The following JMY variants were observed in gnomAD, a reference collection of about 807,000 sequenced individuals.
JMY encodes the protein junction mediating and regulatory protein, p53 cofactor.
In JMY, 46 loss-of-function variants were observed where a neutral mutation model predicts 103.3. That is an observed-to-expected ratio of 0.45 (90% CI 0.35 to 0.57). JMY has a LOEUF of 0.57. JMY is among the 20% of genes least tolerant of loss of function. The probability of loss-of-function intolerance (pLI) is 0.00; values close to 1 mark genes in which losing one functional copy is unlikely to be tolerated. For missense variants in JMY, 1,238 were observed against 1,255.2 expected (o/e 0.99, Z 0.21); for synonymous variants, 526 against 489.3 (o/e 1.07, Z -0.99).
chr5:79,318,242 T>G (rs1308474364), intron 10 of JMY, among the ~76,000 whole-genome samples: 1 of 151,614 alleles, frequency 6.6e-6, no homozygotes, highest in Non-Finnish European at 1.5e-5. Context: ...CTCGAACTCC[T>G]GACCTCAAAT....
intron 2 of JMY, among the ~76,000 whole-genome samples, chr5:79,286,459 C>T (rs897125505): frequency 6.6e-6 from 1 of 151,964 alleles, no homozygotes; most frequent in Non-Finnish European, 1.5e-5. Context: ...TGGCCAACGT[C>T]GTGAAACCCC....
intron 1 of JMY, among the ~76,000 whole-genome samples, chr5:79,265,780 CT>C (rs34354467): frequency 0.28 from 32,759 of 116,092 alleles, 3,116 homozygotes; most frequent in South Asian, 0.43. Flanking sequence ...TGTGATGATT[CT>C]TTTTTTTTTT....
At chr5:79,248,788 C>G (rs546925078) in intron 1 of JMY, among the ~76,000 whole-genome samples, 1 of 152,106 alleles carries the variant, frequency 6.6e-6, no homozygotes, top group African/African-American at 2.4e-5. Context: ...GGGTCTTGTT[C>G]TGTCAGCGCA....
At chr5:79,320,541 C>T (rs180824042) in intron 10 of JMY, among the ~76,000 whole-genome samples, 1 of 152,016 alleles carries the variant, frequency 6.6e-6, no homozygotes, top group Admixed American at 6.5e-5. Context: ...GAACTCCTGA[C>T]CTCAACTGAT....
intron 1 of JMY, among the ~76,000 whole-genome samples, chr5:79,255,967 T>C (rs1282654177): frequency 6.6e-6 from 1 of 152,214 alleles, no homozygotes; most frequent in African/African-American, 2.4e-5. Context: ...GCCCTAGGGC[T>C]CTACAATCAG....
At chr5:79,304,277 A>G (rs1746819763) in intron 6 of JMY, among the ~76,000 whole-genome samples, 1 of 152,222 alleles carries the variant, frequency 6.6e-6, no homozygotes, top group African/African-American at 2.4e-5. Flanking sequence ...AGTCCTAAAA[A>G]GAAAAGCTAC....
At chr5:79,312,036 C>T (rs1311649702) in intron 7 of JMY, among the ~76,000 whole-genome samples, 2 of 151,972 alleles carry the variant, frequency 1.3e-5, no homozygotes, top group South Asian at 2.1e-4. Flanking sequence ...TGGCTGGTCT[C>T]GAACCCCTGA....
At chr5:79,286,491 A>G (rs1561304787) in intron 2 of JMY, among the ~76,000 whole-genome samples, 1 of 152,076 alleles carries the variant, frequency 6.6e-6, no homozygotes, top group Non-Finnish European at 1.5e-5. Context: ...AAATAAAAAT[A>G]AATTAGCCGG....
chr5:79,307,335 T>C (rs1254475886), intron 7 of JMY, among the ~76,000 whole-genome samples: 1 of 152,234 alleles, frequency 6.6e-6, no homozygotes, highest in Non-Finnish European at 1.5e-5. Context: ...CTGTCTTCCA[T>C]AGTGGCTGTT....
intron 7 of JMY, among the ~76,000 whole-genome samples, chr5:79,310,002 C>T (rs919831420): frequency 7.2e-6 from 1 of 139,826 alleles, no homozygotes; most frequent in Non-Finnish European, 1.5e-5. Context: ...TTTCCCAGAT[C>T]TATTTTTTGG....
chr5:79,319,771 G>A (rs1477524784), intron 10 of JMY, among the ~76,000 whole-genome samples: 2 of 151,896 alleles, frequency 1.3e-5, no homozygotes, highest in African/African-American at 4.8e-5. Context: ...GTAGAGATGG[G>A]GTTTCACCAT....
chr5:79,259,539 T>A (rs1745353697), intron 1 of JMY, among the ~76,000 whole-genome samples: 1 of 152,240 alleles, frequency 6.6e-6, no homozygotes, highest in East Asian at 1.9e-4. Flanking sequence ...CTGCCATTTA[T>A]GGTGCCCAGG....
chr5:79,270,720 A>G (rs1461855242), intron 1 of JMY, among the ~76,000 whole-genome samples: 1 of 147,210 alleles, frequency 6.8e-6, no homozygotes, highest in East Asian at 1.9e-4. Context: ...TTATTATTAT[A>G]AATATATATA....
intron 6 of JMY, 42 bp downstream of exon 6, chr5:79,300,905 C>T (rs1401817597): frequency 1.5e-5 from 22 of 1,466,434 alleles, no homozygotes; most frequent in African/African-American, 2.8e-5. Flanking sequence ...GTCTTTTATC[C>T]GTATCTACTA....
intron 1 of JMY, among the ~76,000 whole-genome samples, chr5:79,262,126 G>T (rs968682994): frequency 2.0e-5 from 3 of 152,102 alleles, no homozygotes; most frequent in Non-Finnish European, 4.4e-5. Context: ...AACCCTTTGT[G>T]GTTGTATTCT....
chr5:79,297,540 A>T (rs73118310), intron 4 of JMY, among the ~76,000 whole-genome samples: 2,587 of 152,280 alleles, frequency 0.017, 79 homozygotes, highest in African/African-American at 0.059. Context: ...TTCATGCCTT[A>T]TACTAAGGAT....
At chr5:79,284,420 A>G in intron 2 of JMY, 25 of 1,470,402 alleles carry the variant, frequency 1.7e-5, no homozygotes, top group Non-Finnish European at 2.4e-5. Context: ...GATTTCCATC[A>G]TCTTCTTCCG....
intron 10 of JMY, among the ~76,000 whole-genome samples, 148 bp from the exon 11 acceptor site, chr5:79,321,455 GATT>G (rs1747447120): frequency 6.6e-6 from 1 of 152,054 alleles, no homozygotes; most frequent in East Asian, 1.9e-4. Flanking sequence ...TCTGTATTTA[GATT>G]ATTTTGTTTT....
Position 79,278,082 on chromosome 5 carries a change from A to G in JMY, c.1205A>G (p.Lys402Arg). Residue 402 changes from lysine (K) to arginine (R), a missense_variant and splice_region_variant, in exon 2 of 11, where the codon AAG becomes AGG. Coordinates refer to ENST00000396137, the MANE Select transcript of JMY (RefSeq NM_152405.5). ...GCCATGCTACGAAGACAGCAGATCA[A>G]GGTATTTTTTTATTAATCCTAACTA... Reference protein sequence around the residue: ...ELAMLRRQQIKISMENDYLGP... With the variant: ...ELAMLRRQQIRISMENDYLGP... 1 of 1,608,370 alleles carries G rather than the reference A, an allele frequency of 6.2e-7. No homozygotes were observed. Among genetic ancestry groups the G allele is most frequent in the Non-Finnish European group, 8.5e-7 (1 of 1,176,192 alleles).
Sources: allele counts gnomAD v4.1 joint callset (sites outside exome capture counted in the v4.1 genomes callset), GRCh38; gene constraint gnomAD v4.1.1; transcripts MANE v1.5; gene names NCBI Gene and HGNC (gene_info 2026-07-23, HGNC 2026-07-21).